SPTA1: variants seen among roughly 807,000 people sequenced by gnomAD.
SPTA1 encodes the protein spectrin alpha, erythrocytic 1, also known as spectrin alpha chain, erythrocytic 1.
SPTA1 carries 177 observed loss-of-function variants against 324.7 expected under a neutral mutation model. The observed-to-expected ratio is 0.55, with a 90% CI of 0.48 to 0.62. The LOEUF is 0.62. SPTA1 is among the 20% of genes least tolerant of loss of function. The pLI is 0.00. For synonymous variants in SPTA1, 1,195 were observed against 1,041.3 expected, an observed-to-expected ratio of 1.15 and a Z score of -2.84; for missense variants, 3,162 against 2,883.6, an observed-to-expected ratio of 1.10 and a Z score of -2.21.
At chr1:158,681,395 C>T (rs1319573842) in intron 4 of SPTA1, 132 bp downstream of exon 4, 3 of 1,461,898 alleles carry the variant, frequency 2.1e-6, no homozygotes, top group East Asian at 2.3e-5. Context: ...CCCCAATTTC[C>T]TCTTGTTCCA....
At chr1:158,651,283 A>G (rs1652410414) in intron 24 of SPTA1, 84 bp downstream of exon 24, 2 of 889,804 alleles carry the variant, frequency 2.2e-6, no homozygotes, top group East Asian at 4.8e-5. Context: ...GGGTCTGCAG[A>G]ATATAAAGTT....
intron 33 of SPTA1, among the ~76,000 whole-genome samples, chr1:158,642,189 T>C (rs1035290362): frequency 6.6e-6 from 1 of 151,934 alleles, no homozygotes; most frequent in Non-Finnish European, 1.5e-5. Flanking sequence ...GGGATAGCAT[T>C]AGGAGATATA....
intron 7 of SPTA1, 74 bp downstream of exon 7, chr1:158,677,616 C>A (rs755092455): frequency 6.3e-7 from 1 of 1,577,466 alleles, no homozygotes; most frequent in East Asian, 2.3e-5. Context: ...TCTGGAGGCA[C>A]GGTAATAGGC....
chr1:158,651,585 C>T, intron 23 of SPTA1, 117 bp from the exon 24 acceptor site: 5 of 755,296 alleles, frequency 6.6e-6, no homozygotes, highest in Non-Finnish European at 1.2e-5. Context: ...CCGTAATACA[C>T]ACCAAGCTCC....
intron 42 of SPTA1, among the ~76,000 whole-genome samples, chr1:158,623,834 T>C (rs566440365): frequency 8.4e-4 from 128 of 152,304 alleles, no homozygotes; most frequent in African/African-American, 2.8e-3. Context: ...TAAAGATACC[T>C]GAAAATGTGG....
Position 158,645,326 on chromosome 1 carries a change from A to C in SPTA1, c.4056T>G (p.Ser1352Arg). The change falls in exon 29 of 52, where the codon AGT becomes AGG. Residue 1352 changes from serine to arginine, a missense_variant. Coordinates refer to ENST00000643759, the MANE Select transcript of SPTA1 (RefSeq NM_003126.4). Reference sequence around the variant, plus strand: ...GGTGCCCACTGTCGATAAGTTCTGCACTGAAGTCCTCTAAGGCCTGGAAGG... The same window carrying C: ...GGTGCCCACTGTCGATAAGTTCTGCCCTGAAGTCCTCTAAGGCCTGGAAGG... ...APTFQALEDF[S>R]AELIDSGHHA... 1 of 1,614,016 alleles carries C rather than the reference A, an allele frequency of 6.2e-7. No individual in the cohort carries two copies. The highest frequency in any genetic ancestry group is 8.5e-7 in the Non-Finnish European group (1 of 1,179,958).
chr1:158,651,690 G>C (rs897435754), intron 23 of SPTA1, among the ~76,000 whole-genome samples: 2 of 152,088 alleles, frequency 1.3e-5, no homozygotes, highest in Non-Finnish European at 2.9e-5. Flanking sequence ...TTTATCTGTA[G>C]TATGAAGCAC....
chr1:158,641,200 A>C (rs997700402), intron 33 of SPTA1, among the ~76,000 whole-genome samples: 1 of 152,198 alleles, frequency 6.6e-6, no homozygotes, highest in Non-Finnish European at 1.5e-5. Context: ...TAAAACCATA[A>C]AAACCCTAGA....
rs1003674806 is a variant in SPTA1 at position 158,686,715 on chromosome 1, T to G, written c.-198A>C. The G allele has an allele frequency of 2.0e-6, 1 of 501,400 alleles. No individual in the cohort carries two copies. The highest frequency in any genetic ancestry group is 3.6e-6 in the Non-Finnish European group (1 of 280,568). The allele number at this position is 501,400 out of a possible 1,614,324, so 31.1% of individuals were successfully genotyped here. On this transcript the variant is annotated 5_prime_UTR_variant, in exon 1 of 52. An upstream start codon of the reference 5' UTR is lost. Coordinates refer to ENST00000643759, the MANE Select transcript of SPTA1 (RefSeq NM_003126.4). Reference sequence around the variant, plus strand: ...CAATCGACATTATCTTTAGAAGACATACTCAGCTGAGGCAACTGCTAAGTT... The same window carrying G: ...CAATCGACATTATCTTTAGAAGACAGACTCAGCTGAGGCAACTGCTAAGTT...
intron 25 of SPTA1, among the ~76,000 whole-genome samples, chr1:158,649,085 A>G (rs960524630): frequency 1.3e-5 from 2 of 152,064 alleles, no homozygotes; most frequent in Non-Finnish European, 2.9e-5. Flanking sequence ...ACATTTATAC[A>G]CAATGAAGGT....
chr1:158,637,884 C>T (rs1035803260), intron 36 of SPTA1, 149 bp downstream of exon 36: 1 of 993,624 alleles, frequency 1.0e-6, no homozygotes, highest in Admixed American at 1.8e-5. Flanking sequence ...AAAAATAAAA[C>T]CAATGTTAAC....
intron 33 of SPTA1, among the ~76,000 whole-genome samples, chr1:158,640,984 G>C (rs1651518142): frequency 6.6e-6 from 1 of 152,160 alleles, no homozygotes; most frequent in African/African-American, 2.4e-5. Flanking sequence ...GAACAGAACA[G>C]AGCCCTCAGA....
rs1650906230 is a variant in SPTA1 at position 158,634,408 on chromosome 1, T to G, written c.5565+135A>C. 3.8e-6 allele frequency: 5 copies of G among 1,331,110 alleles called. No individual in the cohort carries two copies. The Admixed American group carries it at 5.2e-5, about 14-fold the overall frequency. The allele number at this position is 1,331,110 out of a possible 1,614,324, so 82.5% of individuals were successfully genotyped here. The stretch of plus-strand genomic sequence containing the variant: ...GACTTTAATTTTTCGTATTTAAAAC[T>G]GTCAGGATTATTCGTATTTCCTTCA... On this transcript the variant is annotated intron_variant, in intron 39 of 51. Transcript: ENST00000643759.
intron 26 of SPTA1, 73 bp from the exon 27 acceptor site, chr1:158,647,793 T>C (rs2101846267): frequency 6.6e-7 from 1 of 1,522,626 alleles, no homozygotes; most frequent in East Asian, 2.3e-5. Context: ...GAATCCTGAG[T>C]CCCAGTATTC....
chr1:158,641,264 C>T (rs1651548537), intron 33 of SPTA1, among the ~76,000 whole-genome samples: 1 of 152,120 alleles, frequency 6.6e-6, no homozygotes, highest in African/African-American at 2.4e-5. Flanking sequence ...GACTTCATGT[C>T]TAAAACACCA....
rs374770233 is a variant in SPTA1 at position 158,678,410 on chromosome 1, C to T, written c.803G>A (p.Arg268Gln). 1.4e-5 allele frequency: 22 copies of T among 1,613,440 alleles called. No individual in the cohort carries two copies. Among genetic ancestry groups the T allele is most frequent in the Non-Finnish European group, 1.7e-5 (20 of 1,179,650 alleles). Reference protein sequence around the residue: ...KALSNAANLQRFKRDVTEAIQ... With the variant: ...KALSNAANLQQFKRDVTEAIQ... ...GTGGCCAGATCCATACCTTTTGAAT[C>T]GTTGTAAGTTTGCAGCATTGGACAG... The change falls in exon 6 of 52, where the codon CGA becomes CAA. Residue 268 changes from arginine to glutamine, a missense_variant. Transcript: ENST00000643759.
chr1:158,679,875 A>T (rs703125), intron 5 of SPTA1, among the ~76,000 whole-genome samples: 11 of 151,936 alleles, frequency 7.2e-5, no homozygotes, highest in Admixed American at 6.6e-5. Context: ...ATAGGAAAAC[A>T]TAGGTTATTT....
In SPTA1 at chr1:158,611,166, C is replaced by CACACAT. The variant is rs1553221961; in HGVS notation, c.*97_*98insATGTGT. The CACACAT allele has an allele frequency of 3.9e-4, 540 of 1,387,628 alleles. 4 individuals are homozygous for CACACAT. The African/African-American group carries it at 6.2e-3, about 16-fold the overall frequency. 86.0% of individuals were successfully genotyped at this position (1,387,628 alleles called of 1,614,324 possible). On this transcript the variant is annotated 3_prime_UTR_variant, in exon 52 of 52. Coordinates refer to ENST00000643759, the MANE Select transcript of SPTA1 (RefSeq NM_003126.4). ...ACACACACACACACACACACACACA[C>CACACAT]GAGGCCATCTTTATCTTCCACATTT...
chr1:158,620,054 C>G, intron 44 of SPTA1, 116 bp downstream of exon 44: 2 of 1,324,064 alleles, frequency 1.5e-6, no homozygotes, highest in South Asian at 2.4e-5. Context: ...TTCATGACTT[C>G]TGTCCCAGTA....
Sources: allele counts gnomAD v4.1 joint callset (sites outside exome capture counted in the v4.1 genomes callset), GRCh38; gene constraint gnomAD v4.1.1; transcripts MANE v1.5; gene names NCBI Gene and HGNC (gene_info 2026-07-23, HGNC 2026-07-21).